Variants in SLC6A16 observed in about 807,000 individuals in gnomAD.
SLC6A16 encodes orphan sodium- and chloride-dependent neurotransmitter transporter NTT5.
Under a neutral mutation model 65.4 loss-of-function variants are expected in SLC6A16, and 54 were observed. The ratio of observed to expected loss-of-function variants is 0.83; its 90% CI spans 0.66 to 1.04. SLC6A16 has a LOEUF of 1.04. SLC6A16 is among the 50% of genes least tolerant of loss of function. SLC6A16 has a pLI of 0.00. For missense variants in SLC6A16, 816 were observed against 914.0 expected, an observed-to-expected ratio of 0.89 and a Z score of 1.38; for synonymous variants, 330 against 346.5, an observed-to-expected ratio of 0.95 and a Z score of 0.53.
At chr19:49,319,551 T>A (rs1970676038) in intron 1 of SLC6A16, among the ~76,000 whole-genome samples, 2 of 150,992 alleles carry the variant, frequency 1.3e-5, no homozygotes, top group Non-Finnish European at 2.9e-5. Context: ...TATATACATA[T>A]ACATATATAT....
chr19:49,295,339 C>T (rs1327204224), intron 7 of SLC6A16, among the ~76,000 whole-genome samples: 1 of 151,276 alleles, frequency 6.6e-6, no homozygotes, highest in Non-Finnish European at 1.5e-5. Context: ...GAGATCGCAC[C>T]ACTGCCCTCC....
At chr19:49,300,431 C>T (rs757557355) in intron 7 of SLC6A16, among the ~76,000 whole-genome samples, 5 of 152,110 alleles carry the variant, frequency 3.3e-5, no homozygotes, top group Non-Finnish European at 5.9e-5. Flanking sequence ...TCTTGAAAGA[C>T]AGTGAAGTAC....
chr19:49,331,770 G>A, the SLC6A16 span: 1 of 457,348 alleles, frequency 2.2e-6, no homozygotes, highest in Admixed American at 2.3e-5. Flanking sequence ...ATTGGCCCAA[G>A]ACCAGTCACA....
upstream of SLC6A16, among the ~76,000 whole-genome samples, chr19:49,329,885 G>A (rs1356964706): frequency 2.0e-5 from 3 of 151,750 alleles, no homozygotes; most frequent in Non-Finnish European, 4.4e-5. Context: ...CGCCCGCCTC[G>A]GCCTCCCAAA....
In SLC6A16 at chr19:49,308,979, G is replaced by A; in HGVS notation, c.1126C>T (p.Leu376Phe). 6.2e-7 allele frequency: 1 copy of A among 1,614,220 alleles called. No homozygotes were observed. The highest frequency in any genetic ancestry group is 8.5e-7 in the Non-Finnish European group (1 of 1,180,040). The change falls in exon 7 of 12, where the codon CTC becomes TTC. Residue 376 changes from leucine to phenylalanine, a missense_variant. Coordinates refer to ENST00000335875, the MANE Select transcript of SLC6A16 (RefSeq NM_014037.3). ...GTGAGCAGGTTTATCACAGACACGAGAAAGGCATCACTGAGACAGTTGTTG... is the reference window on the plus strand; with the variant it reads ...GTGAGCAGGTTTATCACAGACACGAAAAAGGCATCACTGAGACAGTTGTTG... ...QSNNCLSDAF[L>F]VSVINLLTLL...
chr19:49,309,871 C>A (rs1970477538), intron 4 of SLC6A16, 45 bp from the exon 5 acceptor site: 6 of 1,592,918 alleles, frequency 3.8e-6, no homozygotes, highest in African/African-American at 1.3e-5. Context: ...CAAGGTACCC[C>A]CTCTTCTTCC....
intron 1 of SLC6A16, among the ~76,000 whole-genome samples, chr19:49,315,237 G>A (rs1970595575): frequency 6.6e-6 from 1 of 152,182 alleles, no homozygotes; most frequent in Non-Finnish European, 1.5e-5. Context: ...CAGGAAGTAA[G>A]TAAATACTTT....
the SLC6A16 span, chr19:49,336,026 G>A: frequency 0.75 from 419,647 of 556,638 alleles, 159,105 homozygotes; most frequent in South Asian, 0.83. Flanking sequence ...GGGACTTGTG[G>A]CTGGTCAGAT....
At chr19:49,300,816 T>G (rs866292900) in intron 7 of SLC6A16, among the ~76,000 whole-genome samples, 2 of 151,754 alleles carry the variant, frequency 1.3e-5, no homozygotes, top group African/African-American at 4.8e-5. Flanking sequence ...CTTTGGGAGG[T>G]TGAGGCGGGA....
At chr19:49,304,626 G>A (rs937561929) in intron 7 of SLC6A16, among the ~76,000 whole-genome samples, 4 of 152,142 alleles carry the variant, frequency 2.6e-5, no homozygotes, top group African/African-American at 4.8e-5. Flanking sequence ...TTAGCCAGGC[G>A]TGGTGGCACA....
At chr19:49,310,835 G>T in intron 2 of SLC6A16, 98 bp downstream of exon 2, 1 of 969,670 alleles carries the variant, frequency 1.0e-6, no homozygotes, top group Non-Finnish European at 1.6e-6. Flanking sequence ...CAGGTCTTTA[G>T]TCTCTACATA....
At chr19:49,328,869 GAAGAGA>G (rs1970822573), upstream of SLC6A16, among the ~76,000 whole-genome samples, 1 of 152,184 alleles carries the variant, frequency 6.6e-6, no homozygotes, top group Admixed American at 6.5e-5. Flanking sequence ...AGCAATCTGT[GAAGAGA>G]TCCATATAAG....
upstream of SLC6A16, among the ~76,000 whole-genome samples, chr19:49,327,584 T>C (rs1414538463): frequency 6.6e-6 from 1 of 152,212 alleles, no homozygotes; most frequent in Admixed American, 6.5e-5. Flanking sequence ...TATTGAATGA[T>C]GTGCCCCACA....
chr19:49,290,424 T>C (rs995284549), intron 11 of SLC6A16, 32 bp from the exon 12 acceptor site: 1 of 1,593,320 alleles, frequency 6.3e-7, no homozygotes, highest in Non-Finnish European at 8.6e-7. Context: ...GTTCAGAATA[T>C]CAAAATCCCC....
At chr19:49,294,587 T>C in intron 7 of SLC6A16, 34 bp from the exon 8 acceptor site, 3 of 1,546,880 alleles carry the variant, frequency 1.9e-6, no homozygotes, top group South Asian at 2.5e-5. Flanking sequence ...ATCGAACCAT[T>C]TGGCCCAGTA....
At chr19:49,335,671 T>C in the SLC6A16 span, 19 of 1,611,418 alleles carry the variant, frequency 1.2e-5, no homozygotes, top group Non-Finnish European at 1.6e-5. The surrounding 1 kb of genome is among the most constrained non-coding windows in gnomAD (Gnocchi z 4.6). Context: ...AGCCCTCATC[T>C]TCCCCTGTGG....
At chr19:49,339,336 G>C in the SLC6A16 span, 1 of 1,613,924 alleles carries the variant, frequency 6.2e-7, no homozygotes. The surrounding 1 kb of genome is among the most constrained non-coding windows in gnomAD (Gnocchi z 4.5). Flanking sequence ...CCAGGGCTGC[G>C]CGCAGGGCCT....
chr19:49,330,073 G>A (rs1442884723), upstream of SLC6A16, among the ~76,000 whole-genome samples: 2 of 151,552 alleles, frequency 1.3e-5, no homozygotes, highest in Non-Finnish European at 2.9e-5. Context: ...AGTCATGATC[G>A]TGCCAGTGCC....
At chr19:49,334,217 C>T in the SLC6A16 span, among the ~76,000 whole-genome samples, 2 of 152,238 alleles carry the variant, frequency 1.3e-5, no homozygotes, top group South Asian at 4.1e-4. Context: ...GGCACAGTGG[C>T]TCACGCCCAT....
Sources: gnomAD v4.1 joint callset for allele counts (sites outside exome capture counted in the v4.1 genomes callset) on GRCh38, gnomAD v4.1.1 for gene constraint, Gnocchi (gnomAD v3.1) non-coding constraint, MANE v1.5 for transcripts, NCBI Gene and HGNC (gene_info 2026-07-23, HGNC 2026-07-21) for gene names.